Variants in DLG5 observed in about 807,000 individuals in gnomAD.
DLG5 encodes discs large MAGUK scaffold protein 5, also known as disks large homolog 5.
DLG5 carries 48 observed loss-of-function variants against 189.8 expected under a neutral mutation model. The ratio of observed to expected loss-of-function variants is 0.25; its 90% CI spans 0.20 to 0.32. The LOEUF is 0.32. Among genes scored for constraint, DLG5 ranks in the 10% least tolerant of loss-of-function variants. The pLI, the probability that DLG5 is intolerant of heterozygous loss-of-function variation, is 1.00. For missense variants in DLG5, 2,160 were observed against 2,544.7 expected, an observed-to-expected ratio of 0.85 and a Z score of 3.25; for synonymous variants, 1,016 against 1,054.1, an observed-to-expected ratio of 0.96 and a Z score of 0.70.
chr10:77,878,123 A>G (rs1426151193), intron 1 of DLG5, among the ~76,000 whole-genome samples: 1 of 152,136 alleles, frequency 6.6e-6, no homozygotes, highest in East Asian at 1.9e-4. Context: ...CAGTAAATGG[A>G]GAAGAGGCTG....
chr10:77,898,203 T>C (rs1404324285), intron 1 of DLG5, among the ~76,000 whole-genome samples: 1 of 152,242 alleles, frequency 6.6e-6, no homozygotes, highest in Non-Finnish European at 1.5e-5. Context: ...CAGCCCTGCA[T>C]GTCCCCATCA....
At position 77,792,086 on chromosome 10, in the gene DLG5, A is replaced by G. The variant is rs1025336022; in HGVS notation, c.*354T>C. 6.8e-5 allele frequency: 17 copies of G among 251,840 alleles called. No homozygotes were observed. The highest frequency in any genetic ancestry group is 8.4e-5 in the Non-Finnish European group (11 of 131,316). The allele number at this position is 251,840 out of a possible 1,614,324, so 15.6% of individuals were successfully genotyped here. A position where few individuals can be genotyped will look rare whatever the true frequency, so the allele number is the denominator to read the frequency against. On this transcript the variant is annotated 3_prime_UTR_variant, in exon 32 of 32. Coordinates refer to ENST00000372391, the MANE Select transcript of DLG5 (RefSeq NM_004747.4). ...ACCGGCAACATGGAGCCGTTCAAGT[A>G]AACATAAACCACCAAATACTTAGAA...
chr10:77,937,111 C>G, the DLG5 span, among the ~76,000 whole-genome samples: 1 of 152,194 alleles, frequency 6.6e-6, no homozygotes. Context: ...AGAATATTCA[C>G]TAGCTCCCCA....
intron 5 of DLG5, among the ~76,000 whole-genome samples, chr10:77,847,666 G>A (rs988425040): frequency 4.0e-5 from 6 of 151,224 alleles, no homozygotes; most frequent in African/African-American, 4.9e-5. Context: ...ACACGAGTGC[G>A]CACACACACA....
rs1285049533 is a variant in DLG5 at position 77,806,896 on chromosome 10, T to C, written c.4829A>G (p.Gln1610Arg). The stretch of plus-strand genomic sequence containing the variant: ...GTCGTCCTTCTTAAAGCTCAACTCT[T>C]GCTCCACATCTGCCAGCCGGTCGTA... ...ALYDRLADVE[Q>R]ELSFKKDDIL... Residue 1610 changes from glutamine to arginine, a missense_variant, in exon 26 of 32, where the codon CAA becomes CGA. This residue lies in a region of DLG5 where 574 missense variants were observed against 644.2 expected (regional missense o/e 0.89). Coordinates refer to ENST00000372391, the MANE Select transcript of DLG5 (RefSeq NM_004747.4). 2.5e-6 allele frequency: 4 copies of C among 1,613,804 alleles called. No homozygotes were observed. Among genetic ancestry groups the C allele is most frequent in the Non-Finnish European group, 3.4e-6 (4 of 1,179,734 alleles).
intron 7 of DLG5, among the ~76,000 whole-genome samples, chr10:77,836,552 T>C (rs1212372599): frequency 6.6e-6 from 1 of 151,962 alleles, no homozygotes; most frequent in Non-Finnish European, 1.5e-5. Context: ...AAAGCTTCCG[T>C]TCCCTCTAAA....
chr10:77,936,625 T>C, the DLG5 span, among the ~76,000 whole-genome samples: 3 of 152,132 alleles, frequency 2.0e-5, no homozygotes, highest in Non-Finnish European at 4.4e-5. Context: ...AAAAATACTA[T>C]TTATTAAGTG....
intron 1 of DLG5, among the ~76,000 whole-genome samples, chr10:77,890,606 C>T (rs1463286784): frequency 6.6e-5 from 10 of 152,290 alleles, no homozygotes; most frequent in Admixed American, 5.2e-4. Flanking sequence ...CACCTGAGGT[C>T]GGGAGTTCAA....
intron 20 of DLG5, among the ~76,000 whole-genome samples, chr10:77,813,851 A>G (rs1841904558): frequency 6.6e-6 from 1 of 152,224 alleles, no homozygotes; most frequent in African/African-American, 2.4e-5. Context: ...GCATCATTTC[A>G]CTTATATTTA....
chr10:77,813,475 A>G (rs556609867), intron 20 of DLG5, among the ~76,000 whole-genome samples: 2 of 152,066 alleles, frequency 1.3e-5, no homozygotes, highest in South Asian at 4.2e-4. Flanking sequence ...AAGTGTTCCC[A>G]CTTCCCAAAC....
chr10:77,904,211 A>T (rs753188652), intron 1 of DLG5, among the ~76,000 whole-genome samples: 1 of 152,104 alleles, frequency 6.6e-6, no homozygotes, highest in Non-Finnish European at 1.5e-5. Context: ...GAAAAAGAAC[A>T]TGTTGCTCCT....
intron 1 of DLG5, among the ~76,000 whole-genome samples, chr10:77,881,578 G>C (rs1845283189): frequency 6.6e-6 from 1 of 152,204 alleles, no homozygotes; most frequent in African/African-American, 2.4e-5. Flanking sequence ...GAAGAGACTA[G>C]TACTGTCTCT....
intron 7 of DLG5, among the ~76,000 whole-genome samples, chr10:77,839,468 T>A (rs1443609303): frequency 6.6e-6 from 1 of 151,856 alleles, no homozygotes; most frequent in Non-Finnish European, 1.5e-5. Context: ...GCCACTTCAC[T>A]CCAGCCTGGG....
At chr10:77,825,766 A>T (rs1244067706) in intron 13 of DLG5, among the ~76,000 whole-genome samples, 1 of 151,862 alleles carries the variant, frequency 6.6e-6, no homozygotes, top group Non-Finnish European at 1.5e-5. Flanking sequence ...TGTGTTGCCC[A>T]GGCTGGTCTC....
Position 77,792,321 on chromosome 10 carries a change from C to T in DLG5, c.*119G>A. 10 of 1,048,356 alleles carry T rather than the reference C, an allele frequency of 9.5e-6. No individual in the cohort carries two copies. Among genetic ancestry groups the T allele is most frequent in the South Asian group, 8.4e-5 (6 of 71,224 alleles). The allele number at this position is 1,048,356 out of a possible 1,614,324, so 64.9% of individuals were successfully genotyped here. ...AGGAGGTGCTTCTGGGTCCTGGTTC[C>T]GGATCCTTCCCCCGCATGTTCATAG... On this transcript the variant is annotated 3_prime_UTR_variant, in exon 32 of 32. Coordinates refer to ENST00000372391, the MANE Select transcript of DLG5 (RefSeq NM_004747.4).
chr10:77,907,896 G>A (rs747178301), intron 1 of DLG5, among the ~76,000 whole-genome samples: 1 of 152,096 alleles, frequency 6.6e-6, no homozygotes, highest in African/African-American at 2.4e-5. Flanking sequence ...ACCCCTAAAA[G>A]GTTGCTGGTG....
At position 77,910,340 on chromosome 10, in the gene DLG5, G is replaced by A. The variant is rs779840173; in HGVS notation, c.304+15877C>T. Among the ~76,000 whole-genome samples the A allele has an allele frequency of 6.0e-4, 91 of 152,348 alleles. No individual in the cohort carries two copies. The Middle Eastern group carries it at 0.014, about 23-fold the overall frequency. ...CAGGCTACCAAACTCTACTGGCCGAGTGTGCCCATCTGTAAAAGATAAATA... is the reference window on the plus strand; with the variant it reads ...CAGGCTACCAAACTCTACTGGCCGAATGTGCCCATCTGTAAAAGATAAATA... On this transcript the variant is annotated intron_variant, in intron 1 of 31. Transcript: ENST00000372391.
At chr10:77,797,177 A>G in intron 27 of DLG5, among the ~76,000 whole-genome samples, 1 of 152,234 alleles carries the variant, frequency 6.6e-6, no homozygotes, top group East Asian at 1.9e-4. Flanking sequence ...AGACTTGTAC[A>G]TGACAGAGAA....
intron 18 of DLG5, among the ~76,000 whole-genome samples, 188 bp downstream of exon 18, chr10:77,817,588 CT>C (rs1396863017): frequency 6.6e-6 from 1 of 152,240 alleles, no homozygotes; most frequent in Non-Finnish European, 1.5e-5. Context: ...AAAGCAATGG[CT>C]CTGACAGCAG....
Sources: allele counts gnomAD v4.1 joint callset (sites outside exome capture counted in the v4.1 genomes callset), GRCh38; gene constraint gnomAD v4.1.1; regional missense constraint gnomAD v4.1.1; transcripts MANE v1.5; gene names NCBI Gene and HGNC (gene_info 2026-07-23, HGNC 2026-07-21).